The following CETN3 variants were observed in gnomAD, a reference collection of about 807,000 sequenced individuals.
CETN3 encodes the protein centrin-3.
A neutral mutation model predicts 20.1 loss-of-function variants in CETN3; 17 were observed. The ratio of observed to expected loss-of-function variants is 0.85; its 90% CI spans 0.58 to 1.27. The LOEUF (loss-of-function observed/expected upper bound fraction) is 1.27. CETN3 is among the 50% of genes most tolerant of loss of function. The pLI is 0.00. For missense variants in CETN3, 169 were observed against 191.2 expected, an observed-to-expected ratio of 0.88 and a Z score of 0.69; for synonymous variants, 52 against 59.7, an observed-to-expected ratio of 0.87 and a Z score of 0.59.
chr5:90,403,875 GAAAAAAA>G (rs60385437), intron 3 of CETN3, among the ~76,000 whole-genome samples: 35 of 86,732 alleles, frequency 4.0e-4, no homozygotes, highest in Non-Finnish European at 4.6e-4. Flanking sequence ...TGTCTCAAAA[GAAAAAAA>G]AAAAAAAAAA....
intron 4 of CETN3, among the ~76,000 whole-genome samples, chr5:90,397,009 T>C (rs1036598927): frequency 3.3e-5 from 5 of 152,118 alleles, no homozygotes; most frequent in African/African-American, 1.2e-4. Context: ...AGAGATGATT[T>C]AACGTATACA....
At position 90,393,949 on chromosome 5, in the gene CETN3, T is replaced by C. The variant is rs926612559; in HGVS notation, c.*115A>G. ...AAAATACAGATATATAAGATGCTTA[T>C]TTTTGGTCCTTTAGGATAAAAGAAC... On this transcript the variant is annotated 3_prime_UTR_variant, in exon 5 of 5. Coordinates refer to ENST00000283122, the MANE Select transcript of CETN3 (RefSeq NM_004365.4). 2 of 716,236 alleles carry C rather than the reference T, an allele frequency of 2.8e-6. No homozygotes were observed. Among genetic ancestry groups the C allele is most frequent in the African/African-American group, 1.8e-5 (1 of 55,018 alleles). 44.4% of individuals were successfully genotyped at this position (716,236 alleles called of 1,614,324 possible).
rs147721954 is a variant in CETN3, at chr5:90,404,993, T to C, written c.268+692A>G. On this transcript the variant is annotated intron_variant, in intron 3 of 4. Transcript: ENST00000283122. ...ACTCTTCTATTTTGAAAAAGCCTGG[T>C]CTATATATGCTATAAATAATTCACT... Among the ~76,000 whole-genome samples the C allele has an allele frequency of 2.0e-5, 3 of 152,294 alleles. No homozygotes were observed. In the East Asian group the frequency reaches 5.8e-4, roughly 29 times the overall value.
rs975731468 is a variant in CETN3, at chr5:90,405,585, A to G, written c.268+100T>C. ...GTCACATTATACACCAGTGTTCTAT[A>G]AGAAAATTCCATAACCTAGAGAATT... is the stretch of plus-strand genomic sequence containing the variant. On this transcript the variant is annotated intron_variant, in intron 3 of 4. Transcript: ENST00000283122. 15 of 781,818 alleles carry G rather than the reference A, an allele frequency of 1.9e-5. No individual in the cohort carries two copies. In the Admixed American group the frequency reaches 2.4e-4, roughly 13 times the overall value. The allele number at this position is 781,818 out of a possible 1,614,324, so 48.4% of individuals were successfully genotyped here.
At chr5:90,396,536 A>G in intron 4 of CETN3, 1 of 1,533,834 alleles carries the variant, frequency 6.5e-7, no homozygotes, top group Non-Finnish European at 8.7e-7. Flanking sequence ...ATCTAGACCA[A>G]ATAGGAAGCA....
intron 1 of CETN3, among the ~76,000 whole-genome samples, chr5:90,409,364 C>T (rs1479709811): frequency 6.6e-6 from 1 of 152,196 alleles, no homozygotes; most frequent in Admixed American, 6.5e-5. Context: ...CGCGATATTT[C>T]ATTCCCACCT....
chr5:90,400,617 A>T (rs1257222978), intron 3 of CETN3, among the ~76,000 whole-genome samples: 1 of 150,686 alleles, frequency 6.6e-6, no homozygotes, highest in Non-Finnish European at 1.5e-5. Flanking sequence ...AACTGCTTAT[A>T]GATGGAAAAT....
intron 2 of CETN3, among the ~76,000 whole-genome samples, chr5:90,406,597 T>C (rs774572685): frequency 6.6e-6 from 1 of 151,612 alleles, no homozygotes; most frequent in Admixed American, 6.6e-5. Flanking sequence ...GAACATTCAG[T>C]AGAAAGCAAA....
At chr5:90,408,063 A>G (rs1314109744) in intron 1 of CETN3, among the ~76,000 whole-genome samples, 1 of 152,160 alleles carries the variant, frequency 6.6e-6, no homozygotes, top group Non-Finnish European at 1.5e-5. Flanking sequence ...TGAGGACCAA[A>G]CTTTTCTTTT....
At chr5:90,398,971 T>G in intron 4 of CETN3, 1 of 324,718 alleles carries the variant, frequency 3.1e-6, no homozygotes, top group Non-Finnish European at 5.7e-6. Flanking sequence ...ATTATAACAT[T>G]CCTAACTAGA....
chr5:90,397,629 T>TA (rs1348010300), intron 4 of CETN3, among the ~76,000 whole-genome samples: 2 of 152,162 alleles, frequency 1.3e-5, no homozygotes, highest in Non-Finnish European at 2.9e-5. Flanking sequence ...TAATAGCATG[T>TA]AATTTTTAAA....
chr5:90,402,255 T>C (rs886751237), intron 3 of CETN3, among the ~76,000 whole-genome samples: 13 of 152,216 alleles, frequency 8.5e-5, no homozygotes, highest in Non-Finnish European at 4.4e-5. Flanking sequence ...TCATCATCAA[T>C]AATACTCTCA....
At chr5:90,399,618 A>T in intron 3 of CETN3, 69 bp from the exon 4 acceptor site, 7 of 1,198,572 alleles carry the variant, frequency 5.8e-6, no homozygotes, top group Non-Finnish European at 8.4e-6. Context: ...TGTGAAATCA[A>T]CTAAATATTA....
intron 4 of CETN3, chr5:90,396,403 G>A (rs749300398): frequency 4.8e-6 from 7 of 1,446,358 alleles, no homozygotes; most frequent in Non-Finnish European, 6.3e-6. Flanking sequence ...AGCCATGTCT[G>A]AATATCTTAG....
intron 4 of CETN3, chr5:90,396,226 C>G: frequency 1.0e-6 from 1 of 985,178 alleles, no homozygotes; most frequent in Non-Finnish European, 1.2e-6. Flanking sequence ...GAAAAATGCA[C>G]CCTCCAGAAG....
At position 90,392,532 on chromosome 5, in the gene CETN3, G is replaced by A. The variant is rs1749044586; in HGVS notation, c.*1532C>T. ...GAGGTCTGGTGGGAGGTGATTAGAT[G>A]TCCTCACAATAGTGAGTTCTCATGA... On this transcript the variant is annotated 3_prime_UTR_variant, in exon 5 of 5. Transcript: ENST00000283122. The A allele has an allele frequency of 6.6e-6, 1 of 152,148 alleles. No homozygotes were observed. Among genetic ancestry groups the A allele is most frequent in the African/African-American group, 2.4e-5 (1 of 41,432 alleles). The allele number at this position is 152,148 out of a possible 1,614,324, so 9.4% of individuals were successfully genotyped here. A position where few individuals can be genotyped will look rare whatever the true frequency, so the allele number is the denominator to read the frequency against.
rs978321983 is a variant in CETN3, at chr5:90,392,283, T to C, written c.*1781A>G. 2.6e-5 allele frequency: 4 copies of C among 152,182 alleles called. No individual in the cohort carries two copies. The highest frequency in any genetic ancestry group is 4.4e-5 in the Non-Finnish European group (3 of 68,018). 9.4% of individuals were successfully genotyped at this position (152,182 alleles called of 1,614,324 possible). ...AGATTTACTTTTACTGTTTTATTTT[T>C]CACTTTCCTGGAAATCAATATATTT... On this transcript the variant is annotated 3_prime_UTR_variant, in exon 5 of 5. Transcript: ENST00000283122.
At chr5:90,406,074 T>C (rs979664234) in intron 2 of CETN3, among the ~76,000 whole-genome samples, 1 of 152,158 alleles carries the variant, frequency 6.6e-6, no homozygotes, top group African/African-American at 2.4e-5. Flanking sequence ...ACTAACTTAT[T>C]GCACAGATAA....
Position 90,399,385 on chromosome 5 carries a change from C to A in CETN3, c.433G>T (p.Glu145Ter). 6.2e-7 allele frequency: 1 copy of A among 1,613,992 alleles called. No individual in the cohort carries two copies. Among genetic ancestry groups the A allele is most frequent in the Non-Finnish European group, 8.5e-7 (1 of 1,179,954 alleles). ...TCTCCATCACCATCTTTGTCAAATTCTTCTATCATAGCTCGAAGTTCTTCA... is the reference window on the plus strand; with the variant it reads ...TCTCCATCACCATCTTTGTCAAATTATTCTATCATAGCTCGAAGTTCTTCA... ...SDEELRAMIE[E>*]FDKDGDGEIN... The change falls in exon 4 of 5, where the codon GAA (glutamate) becomes TAA (stop). Residue 145 changes from glutamate to a stop codon, truncating the protein, a stop_gained. Transcript: ENST00000283122. LOFTEE classifies it high-confidence loss of function.
Sources: gnomAD v4.1 joint callset for allele counts (sites outside exome capture counted in the v4.1 genomes callset) on GRCh38, gnomAD v4.1.1 for gene constraint, MANE v1.5 for transcripts, NCBI Gene and HGNC (gene_info 2026-07-23, HGNC 2026-07-21) for gene names.